Variants in MSRA observed in about 807,000 individuals in gnomAD.
MSRA encodes the protein mitochondrial peptide methionine sulfoxide reductase.
In MSRA, 54 loss-of-function variants were observed where a neutral mutation model predicts 31.3. The ratio of observed to expected loss-of-function variants is 1.73; its 90% CI spans 1.39 to 2.17. MSRA has a LOEUF of 2.17. Among genes scored for constraint, MSRA ranks in the 30% most tolerant of loss-of-function variants. The pLI is 0.00. For missense variants in MSRA, 507 were observed against 300.9 expected (o/e 1.69, Z -5.07); for synonymous variants, 169 against 116.5 (o/e 1.45, Z -2.90).
intron 1 of MSRA, among the ~76,000 whole-genome samples, chr8:10,155,441 A>G (rs369338203): frequency 4.6e-5 from 7 of 152,186 alleles, no homozygotes; most frequent in African/African-American, 1.7e-4. Context: ...AAGCTGTGCC[A>G]TCCCAATACG....
In MSRA at chr8:10,350,769, C is replaced by T. The variant is rs368992918; in HGVS notation, c.543+30780C>T. 1.4e-4 allele frequency among the ~76,000 whole-genome samples: 21 copies of T among 152,296 alleles called. No homozygotes were observed. In the South Asian group the frequency reaches 4.1e-3, roughly 30 times the overall value. ...GCACGGAGCAGACCGAGCCCCCAGC[C>T]GACTTACCCCCGAGGCCTCGCGCCT... On this transcript the variant is annotated intron_variant, in intron 5 of 5. Coordinates refer to ENST00000317173, the MANE Select transcript of MSRA (RefSeq NM_012331.5).
chr8:10,296,161 G>A (rs1432943243), intron 3 of MSRA, among the ~76,000 whole-genome samples: 1 of 152,138 alleles, frequency 6.6e-6, no homozygotes, highest in Non-Finnish European at 1.5e-5. Context: ...TCAGTGCCCA[G>A]ACCAGTAGTA....
intron 4 of MSRA, among the ~76,000 whole-genome samples, chr8:10,304,056 C>T (rs1379958764): frequency 6.6e-6 from 1 of 152,240 alleles, no homozygotes; most frequent in East Asian, 1.9e-4. Flanking sequence ...CTGCCTCAGC[C>T]TCCTGAGTAG....
At chr8:10,266,212 C>A (rs986256203) in intron 3 of MSRA, among the ~76,000 whole-genome samples, 1 of 152,198 alleles carries the variant, frequency 6.6e-6, no homozygotes, top group Admixed American at 6.5e-5. Context: ...TTCCCATCAG[C>A]AGTGTACGAG....
At chr8:10,212,030 A>G (rs184135444) in intron 2 of MSRA, among the ~76,000 whole-genome samples, 3 of 152,188 alleles carry the variant, frequency 2.0e-5, no homozygotes, top group Admixed American at 2.0e-4. Context: ...AATATTTTAT[A>G]TAAAATATTA....
chr8:10,110,535 T>C (rs1392789942), intron 1 of MSRA, among the ~76,000 whole-genome samples: 1 of 152,222 alleles, frequency 6.6e-6, no homozygotes, highest in African/African-American at 2.4e-5. Context: ...GTCTGGCAAG[T>C]GCCTTTGAAG....
At chr8:10,344,304 C>T (rs1803630917) in intron 5 of MSRA, among the ~76,000 whole-genome samples, 1 of 152,082 alleles carries the variant, frequency 6.6e-6, no homozygotes, top group Admixed American at 6.5e-5. Context: ...TGGCTGAATC[C>T]CTCCACCATC....
chr8:10,380,766 CTGGATGGATGGA>C (rs928238719), intron 5 of MSRA, among the ~76,000 whole-genome samples: 1 of 151,514 alleles, frequency 6.6e-6, no homozygotes, highest in East Asian at 1.9e-4. Context: ...ACATGGATGG[CTGGATGGATGGA>C]TGGATGAACA....
chr8:10,201,003 A>G (rs924109156), intron 1 of MSRA, among the ~76,000 whole-genome samples: 5 of 152,158 alleles, frequency 3.3e-5, no homozygotes, highest in Admixed American at 6.5e-5. Flanking sequence ...TGGGCCACAT[A>G]GGAACCTTAC....
chr8:10,210,898 T>G, intron 2 of MSRA, among the ~76,000 whole-genome samples: 1 of 143,148 alleles, frequency 7.0e-6, no homozygotes, highest in East Asian at 2.0e-4. Flanking sequence ...CACGCTCACC[T>G]TTTTTTTTTT....
rs550842033 is a variant in MSRA, at chr8:10,076,896, G to A, written c.142+22238G>A. On this transcript the variant is annotated intron_variant, in intron 1 of 5. Coordinates refer to ENST00000317173, the MANE Select transcript of MSRA (RefSeq NM_012331.5). ...CTGGGGAAGAGCATACACTGGGGCC[G>A]GGTGTGAGGAGGGAGAACATTAGAA... Among the ~76,000 whole-genome samples, 81 of 152,130 alleles carry A rather than the reference G, an allele frequency of 5.3e-4. 1 individual carries two copies. The highest frequency in any genetic ancestry group is 2.1e-3 in the South Asian group (10 of 4,800).
intron 5 of MSRA, among the ~76,000 whole-genome samples, chr8:10,328,223 C>T (rs907947398): frequency 1.3e-5 from 2 of 150,190 alleles, no homozygotes; most frequent in South Asian, 4.3e-4. Flanking sequence ...AAACAAGTCC[C>T]ATGGCTTCCT....
At chr8:10,357,478 A>G (rs1417600313) in intron 5 of MSRA, among the ~76,000 whole-genome samples, 1 of 152,228 alleles carries the variant, frequency 6.6e-6, no homozygotes, top group Non-Finnish European at 1.5e-5. Context: ...GTTTCAGTCC[A>G]TTGCAATTAC....
Position 10,163,366 on chromosome 8 carries a change from G to A in MSRA, c.143-44467G>A, listed in dbSNP as rs10086110. On this transcript the variant is annotated intron_variant, in intron 1 of 5. Coordinates refer to ENST00000317173, the MANE Select transcript of MSRA (RefSeq NM_012331.5). ...CTTCCATTGTCTTCTCTTTCTAAAC[G>A]GCACCCACCTTATGGGCTGCTATGA... is the stretch of plus-strand genomic sequence containing the variant. Among the ~76,000 whole-genome samples, 242 of 152,280 alleles carry A rather than the reference G, an allele frequency of 1.6e-3. 1 individual carries two copies. The highest frequency in any genetic ancestry group is 5.3e-3 in the African/African-American group (221 of 41,554).
At chr8:10,217,837 G>A (rs1414495327) in intron 2 of MSRA, among the ~76,000 whole-genome samples, 2 of 152,118 alleles carry the variant, frequency 1.3e-5, no homozygotes, top group Non-Finnish European at 2.9e-5. Flanking sequence ...TTTTAAAACT[G>A]TTTATCTGAA....
chr8:10,054,345 C>G lies in MSRA; in HGVS notation c.-172C>G, dbSNP rs1008983633. The G allele has an allele frequency of 7.3e-6, 4 of 544,456 alleles. No individual in the cohort carries two copies. The highest frequency in any genetic ancestry group is 4.7e-5 in the Admixed American group (1 of 21,114). 33.7% of individuals were successfully genotyped at this position (544,456 alleles called of 1,614,324 possible). On this transcript the variant is annotated 5_prime_UTR_variant, in exon 1 of 6. Transcript: ENST00000317173. ...CAGCCGGTACGGCCCCGGGTTTGGGCAACCTCGATTACGGGCGGCCTCCAG... is the reference window on the plus strand; with the variant it reads ...CAGCCGGTACGGCCCCGGGTTTGGGGAACCTCGATTACGGGCGGCCTCCAG...
At chr8:10,075,493 A>C (rs775494169) in intron 1 of MSRA, among the ~76,000 whole-genome samples, 1 of 152,198 alleles carries the variant, frequency 6.6e-6, no homozygotes, top group Admixed American at 6.5e-5. Flanking sequence ...TAGCTTCTGC[A>C]TTATGATTCA....
chr8:10,312,575 A>T (rs1311546627), intron 4 of MSRA, among the ~76,000 whole-genome samples: 1 of 152,238 alleles, frequency 6.6e-6, no homozygotes, highest in Non-Finnish European at 1.5e-5. Flanking sequence ...TAGTCTTGAT[A>T]CCAAAACTTA....
At chr8:10,387,924 C>G (rs1313820785) in intron 5 of MSRA, among the ~76,000 whole-genome samples, 1 of 152,086 alleles carries the variant, frequency 6.6e-6, no homozygotes, top group Non-Finnish European at 1.5e-5. Flanking sequence ...TCCTGTAATT[C>G]AAAAATGCTT....
Sources: allele counts gnomAD v4.1 joint callset (sites outside exome capture counted in the v4.1 genomes callset), GRCh38; gene constraint gnomAD v4.1.1; transcripts MANE v1.5; gene names NCBI Gene and HGNC (gene_info 2026-07-23, HGNC 2026-07-21).